The following PRKG1 variants were observed in gnomAD, a reference collection of about 807,000 sequenced individuals.
The protein encoded by PRKG1 is cGMP-dependent protein kinase 1.
A neutral mutation model predicts 88.1 loss-of-function variants in PRKG1; 35 were observed. The ratio of observed to expected loss-of-function variants is 0.40; its 90% CI spans 0.30 to 0.53. The LOEUF (loss-of-function observed/expected upper bound fraction) is 0.53, where lower values mean the gene tolerates loss of function less well. Ranked by LOEUF, PRKG1 falls within the 20% of genes least tolerant of loss-of-function variation. The pLI is 0.59. For missense variants in PRKG1, 540 were observed against 839.8 expected (o/e 0.64, Z 4.41); for synonymous variants, 303 against 292.5 (o/e 1.04, Z -0.37).
chr10:51,299,095 G>C (rs1589330191), intron 2 of PRKG1, among the ~76,000 whole-genome samples: 1 of 152,086 alleles, frequency 6.6e-6, no homozygotes. Flanking sequence ...AAATGGTTCA[G>C]TTAATGGTTC....
chr10:51,369,118 A>G (rs2132603743), intron 2 of PRKG1, among the ~76,000 whole-genome samples: 1 of 152,238 alleles, frequency 6.6e-6, no homozygotes, highest in Non-Finnish European at 1.5e-5. Flanking sequence ...CGTAATGCAC[A>G]ATAAATGCCT....
intron 1 of PRKG1, among the ~76,000 whole-genome samples, chr10:51,119,417 A>G (rs999383685): frequency 3.3e-5 from 5 of 152,202 alleles, no homozygotes; most frequent in African/African-American, 1.2e-4. Flanking sequence ...TAAATTTTGA[A>G]GAGAAATCTG....
intron 9 of PRKG1, among the ~76,000 whole-genome samples, chr10:52,194,989 A>G (rs1377276726): frequency 6.6e-6 from 1 of 152,130 alleles, no homozygotes; most frequent in Non-Finnish European, 1.5e-5. Context: ...TCCACCTCAA[A>G]TTGAACTCTG....
intron 14 of PRKG1, among the ~76,000 whole-genome samples, chr10:52,285,980 A>G (rs187449559): frequency 6.6e-6 from 1 of 152,246 alleles, no homozygotes; most frequent in African/African-American, 2.4e-5. Flanking sequence ...AATTATGTGT[A>G]TGAATATAAT....
intron 1 of PRKG1, among the ~76,000 whole-genome samples, chr10:50,998,726 C>T (rs866100204): frequency 8.4e-4 from 126 of 150,268 alleles, no homozygotes; most frequent in African/African-American, 2.9e-3. Context: ...CCAGCCTAGG[C>T]GACAAAATGA....
At chr10:51,753,900 G>T (rs1288235269) in intron 3 of PRKG1, among the ~76,000 whole-genome samples, 1 of 151,916 alleles carries the variant, frequency 6.6e-6, no homozygotes, top group East Asian at 1.9e-4. Context: ...CATTCTTTTT[G>T]TTTTTTAATA....
chr10:51,193,775 T>C (rs974927292), intron 2 of PRKG1, among the ~76,000 whole-genome samples: 1 of 152,122 alleles, frequency 6.6e-6, no homozygotes, highest in African/African-American at 2.4e-5. Flanking sequence ...TCAAAATGTG[T>C]AGTAACTTTA....
At chr10:52,075,432 A>G (rs909252764) in intron 7 of PRKG1, among the ~76,000 whole-genome samples, 2 of 152,236 alleles carry the variant, frequency 1.3e-5, no homozygotes, top group Non-Finnish European at 2.9e-5. Context: ...ATATGGACCT[A>G]AAATTTATAT....
chr10:51,494,088 T>G (rs73338070), intron 3 of PRKG1, among the ~76,000 whole-genome samples: 1 of 152,112 alleles, frequency 6.6e-6, no homozygotes, highest in Non-Finnish European at 1.5e-5. Context: ...AGAGTTGGGG[T>G]CTTGCTCTGT....
chr10:51,218,184 T>C (rs1478415819), intron 2 of PRKG1, among the ~76,000 whole-genome samples: 1 of 152,128 alleles, frequency 6.6e-6, no homozygotes, highest in Non-Finnish European at 1.5e-5. Context: ...TAGGTCTAAA[T>C]GTTTTTAAAC....
At chr10:51,520,581 T>C (rs1294867310) in intron 3 of PRKG1, among the ~76,000 whole-genome samples, 1 of 151,938 alleles carries the variant, frequency 6.6e-6, no homozygotes, top group East Asian at 1.9e-4. Flanking sequence ...GAACAAATAA[T>C]TGATATGATT....
At chr10:52,068,202 C>CA (rs71032621) in intron 7 of PRKG1, among the ~76,000 whole-genome samples, 2,630 of 38,526 alleles carry the variant, frequency 0.068, 258 homozygotes, top group African/African-American at 0.17. Flanking sequence ...AACTCCGTCT[C>CA]AAAAAAAAAA....
intron 11 of PRKG1, among the ~76,000 whole-genome samples, chr10:52,271,796 A>G (rs1841736523): frequency 6.6e-6 from 1 of 152,110 alleles, no homozygotes; most frequent in South Asian, 2.1e-4. Flanking sequence ...CTTAAAAGAC[A>G]AAATATCCAA....
intron 3 of PRKG1, among the ~76,000 whole-genome samples, chr10:51,496,273 A>G (rs1840851007): frequency 6.6e-6 from 1 of 152,166 alleles, no homozygotes; most frequent in Non-Finnish European, 1.5e-5. Context: ...TTTAGTGTAT[A>G]GGTGTTGCCT....
chr10:51,061,917 A>G (rs1413043547), intron 1 of PRKG1, among the ~76,000 whole-genome samples: 1 of 152,214 alleles, frequency 6.6e-6, no homozygotes, highest in Non-Finnish European at 1.5e-5. Context: ...TAATTCCAAT[A>G]TCACAATCTC....
At chr10:51,131,992 A>AT (rs1053086182) in intron 1 of PRKG1, among the ~76,000 whole-genome samples, 1 of 152,060 alleles carries the variant, frequency 6.6e-6, no homozygotes, top group Admixed American at 6.6e-5. Flanking sequence ...CAATAAATAG[A>AT]TTTTTTTACA....
chr10:51,744,335 C>T (rs1277680470), intron 3 of PRKG1, among the ~76,000 whole-genome samples: 1 of 152,154 alleles, frequency 6.6e-6, no homozygotes, highest in African/African-American at 2.4e-5. Flanking sequence ...TCCATGGAGG[C>T]TGCAACCAGA....
chr10:52,166,828 T>TATAC (rs1491462760), intron 9 of PRKG1, among the ~76,000 whole-genome samples: 44 of 2,548 alleles, frequency 0.017, 2 homozygotes, highest in African/African-American at 0.024. Context: ...TGTATATATA[T>TATAC]GTATATATAT....
intron 2 of PRKG1, among the ~76,000 whole-genome samples, chr10:51,299,837 A>G (rs1409690292): frequency 6.6e-6 from 1 of 152,192 alleles, no homozygotes; most frequent in Non-Finnish European, 1.5e-5. Context: ...TAAAGTCAGG[A>G]TTGAATTTTG....
Sources: gnomAD v4.1 joint callset for allele counts (sites outside exome capture counted in the v4.1 genomes callset) on GRCh38, gnomAD v4.1.1 for gene constraint, MANE v1.5 for transcripts, NCBI Gene and HGNC (gene_info 2026-07-23, HGNC 2026-07-21) for gene names.